The following A2ML1 variants were observed in gnomAD, a reference collection of about 807,000 sequenced individuals.
The protein encoded by A2ML1 is alpha-2-macroglobulin like 1.
A2ML1 carries 161 observed loss-of-function variants against 181.9 expected under a neutral mutation model. That is an observed-to-expected ratio of 0.89 (90% CI 0.78 to 1.01). A2ML1 has a LOEUF of 1.01. Among genes scored for constraint, A2ML1 ranks in the 50% least tolerant of loss-of-function variants. The pLI, the probability that A2ML1 is intolerant of heterozygous loss-of-function variation, is 0.00. For synonymous variants in A2ML1, 663 were observed against 666.8 expected, an observed-to-expected ratio of 0.99 and a Z score of 0.09; for missense variants, 1,670 against 1,768.1, an observed-to-expected ratio of 0.94 and a Z score of 1.00.
At chr12:8,857,030 G>A (rs1231333255) in intron 23 of A2ML1, 134 bp from the exon 24 acceptor site, 3 of 835,578 alleles carry the variant, frequency 3.6e-6, no homozygotes, top group Non-Finnish European at 3.6e-6. Context: ...ACAGGCGTGA[G>A]CCACCACGCC....
At chr12:8,848,667 T>C in intron 15 of A2ML1, 53 bp from the exon 16 acceptor site, 1 of 1,433,910 alleles carries the variant, frequency 7.0e-7, no homozygotes, top group Non-Finnish European at 9.4e-7. Context: ...GAGAAGTTTC[T>C]CAACTGATAT....
chr12:8,840,629 G>C (rs964846817), intron 10 of A2ML1, among the ~76,000 whole-genome samples: 2 of 152,064 alleles, frequency 1.3e-5, no homozygotes, highest in African/African-American at 4.8e-5. Context: ...AGCAAAATAG[G>C]CTGGGCACAA....
intron 1 of A2ML1, 25 bp from the exon 2 acceptor site, chr12:8,823,157 T>C: frequency 6.2e-7 from 1 of 1,607,324 alleles, no homozygotes; most frequent in South Asian, 1.1e-5. Context: ...ATTATTGCCC[T>C]GAAATCCTTC....
In A2ML1 at chr12:8,838,378, AC is replaced by A. The variant is rs771580168; in HGVS notation, c.900del (p.Phe301LeufsTer42). 1.9e-6 allele frequency: 3 copies of A among 1,613,724 alleles called. No individual in the cohort carries two copies. The highest frequency in any genetic ancestry group is 2.5e-6 in the Non-Finnish European group (3 of 1,179,830). On this transcript the variant is annotated frameshift_variant, in exon 9 of 36. Transcript: ENST00000299698. LOFTEE classifies it high-confidence loss of function. ...TTTCTCAGCACCTGTGGACATGGCC[AC>A]CTTTGACCTCATTGGATATGCGTAC... ...GCFSAPVDMA[T>X]FDLIGYAYSH...
At chr12:8,869,642 A>C (rs867727637) in intron 33 of A2ML1, among the ~76,000 whole-genome samples, 2 of 152,102 alleles carry the variant, frequency 1.3e-5, no homozygotes, top group East Asian at 3.9e-4. Context: ...GTGCATCTCA[A>C]TTCTGACTGA....
In A2ML1 at chr12:8,845,005, A is replaced by G. The variant is rs1174358275; in HGVS notation, c.1477-437A>G. The G allele has an allele frequency of 2.8e-6, 4 of 1,415,366 alleles. No individual in the cohort carries two copies. The East Asian group carries it at 7.7e-5, about 27-fold the overall frequency. The allele number at this position is 1,415,366 out of a possible 1,614,324, so 87.7% of individuals were successfully genotyped here. A position where few individuals can be genotyped will look rare whatever the true frequency, so the allele number is the denominator to read the frequency against. On this transcript the variant is annotated intron_variant, in intron 12 of 35. Transcript: ENST00000299698. ...GGAGATTTCTCCTCTAGAGGGTTCA[A>G]TGTCAGAAGGGCTCAGGGTGGTTTA...
intron 10 of A2ML1, among the ~76,000 whole-genome samples, chr12:8,839,933 G>A (rs781562283): frequency 1.3e-5 from 2 of 152,178 alleles, no homozygotes; most frequent in East Asian, 3.9e-4. Flanking sequence ...TTTTAGTAGA[G>A]ATGGGGTTTC....
chr12:8,868,535 A>T lies in A2ML1; in HGVS notation c.4062-2A>T, dbSNP rs1333206758. 1 of 1,613,532 alleles carries T rather than the reference A, an allele frequency of 6.2e-7. No individual in the cohort carries two copies. Among genetic ancestry groups the T allele is most frequent in the South Asian group, 1.1e-5 (1 of 91,024 alleles). On this transcript the variant is annotated splice_acceptor_variant, in intron 31 of 35. Coordinates refer to ENST00000299698, the MANE Select transcript of A2ML1 (RefSeq NM_144670.6). LOFTEE classifies it high-confidence loss of function. ...CATGTGTTTTCTTCTTCCTGCTCTCAGTTATGTGGGGAGCCGTAGCTCTTC... is the reference window on the plus strand; with the variant it reads ...CATGTGTTTTCTTCTTCCTGCTCTCTGTTATGTGGGGAGCCGTAGCTCTTC...
rs749162506 is a variant in A2ML1 at position 8,823,723 on chromosome 12, C to A, written c.250C>A (p.Pro84Thr). 6.2e-7 allele frequency: 1 copy of A among 1,613,400 alleles called. No homozygotes were observed. The highest frequency in any genetic ancestry group is 1.1e-5 in the South Asian group (1 of 90,922). Residue 84 changes from proline to threonine, a missense_variant, in exon 3 of 36, where the codon CCA becomes ACA. Physicochemically the swap from Pro to Thr is conservative, Grantham distance 38 (BLOSUM62 -1). Transcript: ENST00000299698. ...AGAAGTCCCCTTTCTTGGTCAGGTACCACCTCCTGCTGGTGGCACAGAAGA... is the reference window on the plus strand; with the variant it reads ...AGAAGTCCCCTTTCTTGGTCAGGTAACACCTCCTGCTGGTGGCACAGAAGA... Reference protein sequence around the residue: ...RHLHCISFLVPPPAGGTEEVA... With the variant: ...RHLHCISFLVTPPAGGTEEVA...
rs752111606 is a variant in A2ML1 at position 8,834,726 on chromosome 12, G to A, written c.483+44G>A. 1.9e-6 allele frequency: 3 copies of A among 1,610,128 alleles called. No individual in the cohort carries two copies. The East Asian group carries it at 6.7e-5, about 36-fold the overall frequency. On this transcript the variant is annotated intron_variant, in intron 5 of 35. Transcript: ENST00000299698. ...CTCTTCTCTGTCAGTTGTGGAAGAG[G>A]AAGAATGAGAATTTGGTGGTACACC...
chr12:8,871,430 T>C (rs943999034), intron 33 of A2ML1, among the ~76,000 whole-genome samples: 4 of 152,192 alleles, frequency 2.6e-5, no homozygotes, highest in Non-Finnish European at 4.4e-5. Flanking sequence ...TAACAATTTC[T>C]GAAAAGCATG....
chr12:8,836,012 CAAA>C (rs753902128), intron 6 of A2ML1, among the ~76,000 whole-genome samples: 2 of 52,200 alleles, frequency 3.8e-5, no homozygotes, highest in Non-Finnish European at 4.3e-5. Context: ...GACTCCGTCT[CAAA>C]AAAAAAAAAA....
chr12:8,869,330 C>T, intron 33 of A2ML1, 127 bp downstream of exon 33: 2 of 902,310 alleles, frequency 2.2e-6, no homozygotes, highest in Non-Finnish European at 1.8e-6. Context: ...CCACACCATG[C>T]CATGAGTTCT....
chr12:8,875,377 CCT>C lies in A2ML1; in HGVS notation c.*1+366_*1+367del, dbSNP rs1592165345. On this transcript the variant is annotated intron_variant, in intron 35 of 35. Coordinates refer to ENST00000299698, the MANE Select transcript of A2ML1 (RefSeq NM_144670.6). ...ACAAGCATGAGCCACCACACTCAGC[CCT>C]GTTATTGTCTTTTGGAAGCTATTGT... 3 of 177,772 alleles carry C rather than the reference CCT, an allele frequency of 1.7e-5. No individual in the cohort carries two copies. The East Asian group carries it at 4.6e-4, about 27-fold the overall frequency. The allele number at this position is 177,772 out of a possible 1,614,324, so 11.0% of individuals were successfully genotyped here. A position where few individuals can be genotyped will look rare whatever the true frequency, so the allele number is the denominator to read the frequency against.
intron 32 of A2ML1, among the ~76,000 whole-genome samples, 174 bp downstream of exon 32, chr12:8,868,801 C>CAT (rs754289914): frequency 2.4e-4 from 36 of 150,972 alleles, no homozygotes; most frequent in Non-Finnish European, 3.0e-4. Flanking sequence ...AAGTAGTTTT[C>CAT]ATATATATAT....
chr12:8,827,014 T>C (rs1001690073), intron 3 of A2ML1, among the ~76,000 whole-genome samples: 2 of 152,222 alleles, frequency 1.3e-5, no homozygotes, highest in African/African-American at 4.8e-5. Flanking sequence ...GGGCTAAATC[T>C]GCTTGGTGTT....
chr12:8,860,775 T>C lies in A2ML1; in HGVS notation c.3265-106T>C, dbSNP rs1358294416. 6.3e-6 allele frequency: 6 copies of C among 951,202 alleles called. No homozygotes were observed. In the East Asian group the frequency reaches 1.2e-4, roughly 19 times the overall value. 58.9% of individuals were successfully genotyped at this position (951,202 alleles called of 1,614,324 possible). A position where few individuals can be genotyped will look rare whatever the true frequency, so the allele number is the denominator to read the frequency against. ...AGAGCTTTCTTTTCTTTTTTCTTTT[T>C]AAAAATTATTCATCTATTCAGAGGG... is the stretch of plus-strand genomic sequence containing the variant. On this transcript the variant is annotated intron_variant, in intron 26 of 35. Transcript: ENST00000299698.
chr12:8,853,138 G>A (rs1343509217), intron 20 of A2ML1, among the ~76,000 whole-genome samples: 1 of 151,970 alleles, frequency 6.6e-6, no homozygotes, highest in Non-Finnish European at 1.5e-5. Context: ...GGGACTATAG[G>A]CTCATGCCAC....
chr12:8,845,856 A>AC (rs1302410847), intron 13 of A2ML1, among the ~76,000 whole-genome samples: 2 of 55,422 alleles, frequency 3.6e-5, no homozygotes, highest in Non-Finnish European at 6.7e-5. Context: ...TCTCAAAAAA[A>AC]AAAAAAAATA....
Sources: allele counts gnomAD v4.1 joint callset (sites outside exome capture counted in the v4.1 genomes callset), GRCh38; gene constraint gnomAD v4.1.1; transcripts MANE v1.5; gene names NCBI Gene and HGNC (gene_info 2026-07-23, HGNC 2026-07-21).